The following RBMS1 variants were observed in gnomAD, a reference collection of about 807,000 sequenced individuals.
RBMS1 encodes the protein RNA-binding motif, single-stranded-interacting protein 1.
A neutral mutation model predicts 62.3 loss-of-function variants in RBMS1; 17 were observed. The ratio of observed to expected loss-of-function variants is 0.27; its 90% CI spans 0.19 to 0.41. The LOEUF is 0.41. Ranked by LOEUF, RBMS1 falls within the 10% of genes least tolerant of loss-of-function variation. The pLI is 1.00. For synonymous variants in RBMS1, 172 were observed against 170.0 expected (o/e 1.01, Z -0.09); for missense variants, 334 against 504.5 (o/e 0.66, Z 3.24).
chr2:160,359,456 T>C (rs764807498), intron 2 of RBMS1, among the ~76,000 whole-genome samples: 27 of 152,186 alleles, frequency 1.8e-4, no homozygotes, highest in Middle Eastern at 3.2e-3. Flanking sequence ...TAACTCAAAA[T>C]TCTCTCTTCA....
chr2:160,366,989 A>G (rs907717346), intron 2 of RBMS1: 2 of 361,028 alleles, frequency 5.5e-6, no homozygotes, highest in Non-Finnish European at 9.7e-6. Flanking sequence ...GTCAAATTCT[A>G]TTGAGAAAAT....
chr2:160,370,410 G>T (rs1163047138), intron 1 of RBMS1, among the ~76,000 whole-genome samples: 1 of 152,188 alleles, frequency 6.6e-6, no homozygotes, highest in East Asian at 1.9e-4. Flanking sequence ...CGAGGTGGGT[G>T]GATCACGGAG....
intron 4 of RBMS1, among the ~76,000 whole-genome samples, chr2:160,311,371 C>A (rs974889702): frequency 4.6e-5 from 7 of 151,346 alleles, no homozygotes; most frequent in Admixed American, 3.3e-4. Context: ...AAGGTGATTC[C>A]TCTTACTAAT....
At chr2:160,315,513 T>G (rs894933920) in intron 3 of RBMS1, among the ~76,000 whole-genome samples, 2 of 152,222 alleles carry the variant, frequency 1.3e-5, no homozygotes, top group African/African-American at 2.4e-5. Context: ...TTGTGATGAC[T>G]GAATCATGGG....
chr2:160,471,465 A>G (rs1191313431), intron 1 of RBMS1, among the ~76,000 whole-genome samples: 1 of 151,898 alleles, frequency 6.6e-6, no homozygotes, highest in African/African-American at 2.4e-5. Context: ...AACTAAATTT[A>G]TTCATCAACT....
intron 2 of RBMS1, among the ~76,000 whole-genome samples, chr2:160,353,235 T>C (rs1467420170): frequency 6.6e-6 from 1 of 152,124 alleles, no homozygotes; most frequent in Non-Finnish European, 1.5e-5. Context: ...TATTTTTGTA[T>C]ATAGTTTTGT....
At chr2:160,475,377 AG>A (rs1253610059) in intron 1 of RBMS1, among the ~76,000 whole-genome samples, 4 of 152,148 alleles carry the variant, frequency 2.6e-5, no homozygotes, top group Non-Finnish European at 4.4e-5. Context: ...GGCAGATCTA[AG>A]GGTAGGAGGA....
At chr2:160,488,266 T>A (rs964768910) in intron 1 of RBMS1, among the ~76,000 whole-genome samples, 4 of 152,186 alleles carry the variant, frequency 2.6e-5, no homozygotes, top group African/African-American at 9.7e-5. Flanking sequence ...CAGGTTTCAT[T>A]ATTTATTCAT....
At position 160,493,720 on chromosome 2, in the gene RBMS1, G is replaced by C; in HGVS notation, c.-357C>G. ...CTGGCGCGCTGGCCGCGGTCCGCTC[G>C]GGCGAGCCGGCTGCGCGGGGCTGAG... On this transcript the variant is annotated 5_prime_UTR_variant, in exon 1 of 14. Transcript: ENST00000348849. 2.8e-6 allele frequency: 1 copy of C among 358,840 alleles called. No homozygotes were observed. The highest frequency in any genetic ancestry group is 5.2e-6 in the Non-Finnish European group (1 of 193,022). The allele number at this position is 358,840 out of a possible 1,614,324, so 22.2% of individuals were successfully genotyped here.
chr2:160,334,359 A>G (rs964003140), intron 2 of RBMS1, among the ~76,000 whole-genome samples: 3 of 152,204 alleles, frequency 2.0e-5, no homozygotes, highest in Non-Finnish European at 4.4e-5. Flanking sequence ...CTTGACTTCT[A>G]TGACAAAGTT....
intron 2 of RBMS1, among the ~76,000 whole-genome samples, chr2:160,341,101 G>C (rs557363335): frequency 1.3e-5 from 2 of 152,214 alleles, no homozygotes; most frequent in East Asian, 3.9e-4. Flanking sequence ...AGTGGGTGGA[G>C]GGATAACGAA....
chr2:160,441,423 G>A (rs1015022271), intron 1 of RBMS1, among the ~76,000 whole-genome samples: 5 of 152,130 alleles, frequency 3.3e-5, no homozygotes, highest in Admixed American at 6.5e-5. Flanking sequence ...TGTATTAAAC[G>A]TATGTTTAAC....
At chr2:160,424,002 C>T (rs1299360136) in intron 1 of RBMS1, among the ~76,000 whole-genome samples, 3 of 148,680 alleles carry the variant, frequency 2.0e-5, no homozygotes, top group Non-Finnish European at 4.5e-5. Context: ...CTTGGAAGTT[C>T]AAGAAAAAAA....
chr2:160,312,751 T>C (rs1689995793), intron 4 of RBMS1, among the ~76,000 whole-genome samples: 1 of 152,076 alleles, frequency 6.6e-6, no homozygotes, highest in Non-Finnish European at 1.5e-5. Flanking sequence ...ATATGCTATA[T>C]GCTATACATA....
intron 2 of RBMS1, among the ~76,000 whole-genome samples, chr2:160,365,697 C>T (rs1163879729): frequency 6.6e-6 from 1 of 152,156 alleles, no homozygotes; most frequent in African/African-American, 2.4e-5. Flanking sequence ...TCTTCTCTTA[C>T]ACCTCATGAA....
chr2:160,368,231 C>T (rs1046927738), intron 1 of RBMS1, among the ~76,000 whole-genome samples: 1 of 152,210 alleles, frequency 6.6e-6, no homozygotes, highest in African/African-American at 2.4e-5. Flanking sequence ...CAAAAGGGCA[C>T]GTAACCCCAA....
chr2:160,283,764 G>A (rs1208349243), intron 9 of RBMS1: 1 of 152,078 alleles, frequency 6.6e-6, no homozygotes, highest in Non-Finnish European at 1.5e-5. Context: ...AATGATATGT[G>A]AGGTCCTTGG....
At chr2:160,335,609 G>C (rs943115477) in intron 2 of RBMS1, among the ~76,000 whole-genome samples, 3 of 152,192 alleles carry the variant, frequency 2.0e-5, no homozygotes, top group Non-Finnish European at 4.4e-5. Flanking sequence ...GCACAGAACA[G>C]ATTTTCGTAG....
chr2:160,371,878 A>G (rs1033893282), intron 1 of RBMS1, among the ~76,000 whole-genome samples: 1 of 152,170 alleles, frequency 6.6e-6, no homozygotes, highest in African/African-American at 2.4e-5. Flanking sequence ...AGGATCAACA[A>G]CAGGCACAGG....
Sources: gnomAD v4.1 joint callset for allele counts (sites outside exome capture counted in the v4.1 genomes callset) on GRCh38, gnomAD v4.1.1 for gene constraint, MANE v1.5 for transcripts, NCBI Gene and HGNC (gene_info 2026-07-23, HGNC 2026-07-21) for gene names.